The following CACNA2D3 variants were observed in gnomAD, a reference collection of about 807,000 sequenced individuals.
The protein encoded by CACNA2D3 is voltage-dependent calcium channel subunit alpha-2/delta-3.
CACNA2D3 carries 60 observed loss-of-function variants against 160.6 expected under a neutral mutation model. The observed-to-expected ratio is 0.37, with a 90% confidence interval of 0.30 to 0.46. The LOEUF (loss-of-function observed/expected upper bound fraction) is 0.46, where lower values mean the gene tolerates loss of function less well. Among genes scored for constraint, CACNA2D3 ranks in the 20% least tolerant of loss-of-function variants. The pLI is 1.00. For missense variants in CACNA2D3, 1,205 were observed against 1,365.0 expected (o/e 0.88, Z 1.85); for synonymous variants, 558 against 492.9 (o/e 1.13, Z -1.75).
At chr3:54,484,304 C>G (rs1382972250) in intron 4 of CACNA2D3, among the ~76,000 whole-genome samples, 1 of 152,190 alleles carries the variant, frequency 6.6e-6, no homozygotes, top group African/African-American at 2.4e-5. Context: ...ACCCCCTCCC[C>G]GCGGACTGTA....
intron 10 of CACNA2D3, among the ~76,000 whole-genome samples, chr3:54,628,790 C>A (rs1023372747): frequency 1.3e-5 from 2 of 152,112 alleles, no homozygotes; most frequent in Non-Finnish European, 2.9e-5. Flanking sequence ...GGAGGCATCT[C>A]CTCTCTAGGG....
chr3:54,949,411 C>T (rs993612784), intron 27 of CACNA2D3, among the ~76,000 whole-genome samples: 1 of 152,194 alleles, frequency 6.6e-6, no homozygotes, highest in South Asian at 2.1e-4. Flanking sequence ...TATTCCAGCT[C>T]AGCTGGAGTT....
intron 34 of CACNA2D3, among the ~76,000 whole-genome samples, chr3:55,011,524 G>A (rs903937328): frequency 2.6e-5 from 4 of 151,976 alleles, no homozygotes; most frequent in Non-Finnish European, 5.9e-5. Context: ...CCCATCCACA[G>A]AAAGAAAAAT....
In CACNA2D3 at chr3:54,871,667, TA is replaced by T. The variant is rs746417578; in HGVS notation, c.1710+46del. On this transcript the variant is annotated intron_variant, in intron 18 of 37. Transcript: ENST00000474759. The stretch of plus-strand genomic sequence containing the variant: ...GCCTCGTGGAGAAGGACCTGCATTG[TA>T]CCCACTTCTGTACCTGGGGGCGATC... The T allele has an allele frequency of 1.7e-5, 25 of 1,440,214 alleles. 1 individual carries two copies. The South Asian group carries it at 2.1e-4, about 12-fold the overall frequency. The allele number at this position is 1,440,214 out of a possible 1,614,324, so 89.2% of individuals were successfully genotyped here. A position where few individuals can be genotyped will look rare whatever the true frequency, so the allele number is the denominator to read the frequency against.
intron 2 of CACNA2D3, among the ~76,000 whole-genome samples, chr3:54,291,777 C>T (rs1055848796): frequency 5.3e-5 from 8 of 152,118 alleles, no homozygotes; most frequent in Non-Finnish European, 1.0e-4. Context: ...AATGGGAGTG[C>T]TGAACAGATT....
At chr3:54,927,821 A>G in intron 27 of CACNA2D3, 1 of 1,427,620 alleles carries the variant, frequency 7.0e-7, no homozygotes. Flanking sequence ...ACTTGAAAAT[A>G]GATTTCCCGC....
chr3:55,038,261 AGATTATTAAGGT>A (rs1271713101), intron 35 of CACNA2D3, among the ~76,000 whole-genome samples: 1 of 152,148 alleles, frequency 6.6e-6, no homozygotes, highest in African/African-American at 2.4e-5. Flanking sequence ...TCTCCTCCTT[AGATTATTAAGGT>A]GAACATAGCA....
At chr3:55,053,476 A>G (rs1008541297) in intron 35 of CACNA2D3, among the ~76,000 whole-genome samples, 30 of 151,970 alleles carry the variant, frequency 2.0e-4, no homozygotes, top group Admixed American at 1.1e-3. Context: ...TCTAACAGCA[A>G]TGATTCATGA....
chr3:54,933,292 A>G (rs897519618), intron 27 of CACNA2D3, among the ~76,000 whole-genome samples: 7 of 152,140 alleles, frequency 4.6e-5, no homozygotes, highest in African/African-American at 1.7e-4. Context: ...AACAAACAAC[A>G]CCCAAATCTC....
At chr3:54,638,436 C>G (rs1699427702) in intron 10 of CACNA2D3, 1 of 151,836 alleles carries the variant, frequency 6.6e-6, no homozygotes, top group African/African-American at 2.4e-5. Context: ...AAACTGTAAG[C>G]CGGAGCAGGT....
intron 17 of CACNA2D3, among the ~76,000 whole-genome samples, chr3:54,862,987 G>A (rs1309785204): frequency 6.6e-6 from 1 of 152,180 alleles, no homozygotes; most frequent in Non-Finnish European, 1.5e-5. Context: ...ACTGCTCAAA[G>A]GAATAATGTC....
chr3:54,736,818 A>T (rs886906308), intron 11 of CACNA2D3, among the ~76,000 whole-genome samples: 2 of 152,212 alleles, frequency 1.3e-5, no homozygotes, highest in African/African-American at 4.8e-5. Context: ...GAAAAGGTCC[A>T]GTAGCTATCA....
chr3:54,626,131 C>T (rs1361043929), intron 9 of CACNA2D3: 2 of 631,310 alleles, frequency 3.2e-6, no homozygotes, highest in Non-Finnish European at 5.7e-6. Context: ...AGAAAATAAT[C>T]CATTTCAATA....
chr3:54,242,581 G>A (rs190857291), intron 2 of CACNA2D3, among the ~76,000 whole-genome samples: 7 of 152,272 alleles, frequency 4.6e-5, no homozygotes, highest in Admixed American at 3.3e-4. Context: ...GCCCTGCGAC[G>A]CCTCAACAGT....
At chr3:54,451,229 CTTTTTTTTTTTTTTT>C (rs71074970) in intron 4 of CACNA2D3, among the ~76,000 whole-genome samples, 16 of 51,732 alleles carry the variant, frequency 3.1e-4, no homozygotes, top group Non-Finnish European at 3.8e-4. Context: ...ATATAATAAT[CTTTTTTTTTTTTTTT>C]TTTTTTTTTT....
At chr3:54,625,991 A>G (rs1273254674) in intron 9 of CACNA2D3, among the ~76,000 whole-genome samples, 1 of 150,496 alleles carries the variant, frequency 6.6e-6, no homozygotes. Context: ...GGTAAGAGAA[A>G]GAAAGCCACT....
At position 54,313,775 on chromosome 3, in the gene CACNA2D3, G is replaced by A. The variant is rs565644095; in HGVS notation, c.205-6667G>A. Among the ~76,000 whole-genome samples, 68 of 148,174 alleles carry A rather than the reference G, an allele frequency of 4.6e-4. 1 individual carries two copies. The highest frequency in any genetic ancestry group is 1.6e-3 in the African/African-American group (63 of 40,434). ...CCCCCAGCCTTGTCGTCCTCAAAGG[G>A]TTCTGCAAGATAGGAGTCACTGCCC... On this transcript the variant is annotated intron_variant, in intron 2 of 37. Transcript: ENST00000474759.
At chr3:54,968,870 A>G (rs1702212065) in intron 28 of CACNA2D3, among the ~76,000 whole-genome samples, 1 of 152,196 alleles carries the variant, frequency 6.6e-6, no homozygotes. Context: ...TCTCATTATC[A>G]AAATCTAGAA....
At chr3:54,659,967 C>T (rs1699938098) in intron 11 of CACNA2D3, among the ~76,000 whole-genome samples, 1 of 152,066 alleles carries the variant, frequency 6.6e-6, no homozygotes, top group Non-Finnish European at 1.5e-5. Flanking sequence ...TCCCCAACTG[C>T]TTTGTGTATT....
Sources: allele counts gnomAD v4.1 joint callset (sites outside exome capture counted in the v4.1 genomes callset), GRCh38; gene constraint gnomAD v4.1.1; transcripts MANE v1.5; gene names NCBI Gene and HGNC (gene_info 2026-07-23, HGNC 2026-07-21).